SEC63: variants seen among roughly 807,000 people sequenced by gnomAD.
SEC63 encodes the protein SEC63 protein translocation regulator.
SEC63 carries 56 observed loss-of-function variants against 116.2 expected under a neutral mutation model. The ratio of observed to expected loss-of-function variants is 0.48; its 90% confidence interval spans 0.39 to 0.60. The LOEUF (loss-of-function observed/expected upper bound fraction) is 0.60. Ranked by LOEUF, SEC63 falls within the 20% of genes least tolerant of loss-of-function variation. The probability of loss-of-function intolerance (pLI) is 0.00; values close to 1 mark genes in which losing one functional copy is unlikely to be tolerated. For missense variants in SEC63, 668 were observed against 900.0 expected (o/e 0.74, Z 3.30); for synonymous variants, 273 against 294.6 (o/e 0.93, Z 0.75).
chr6:107,887,760 T>A (rs904520473), intron 16 of SEC63, among the ~76,000 whole-genome samples: 19 of 151,068 alleles, frequency 1.3e-4, no homozygotes, highest in African/African-American at 2.7e-4. Flanking sequence ...AAAAAAAAAA[T>A]TTTTTTGTAT....
intron 4 of SEC63, among the ~76,000 whole-genome samples, chr6:107,920,390 C>A (rs1312688379): frequency 3.2e-5 from 4 of 125,202 alleles, no homozygotes; most frequent in African/African-American, 3.1e-5. Context: ...AGCGCCACTG[C>A]AGTCCAGCCT....
chr6:107,895,928 G>A (rs1250466935), intron 14 of SEC63, among the ~76,000 whole-genome samples: 1 of 151,744 alleles, frequency 6.6e-6, no homozygotes, highest in African/African-American at 2.4e-5. Context: ...ACTTTGGGAG[G>A]CTGAGGGGTA....
intron 15 of SEC63, 40 bp from the exon 16 acceptor site, chr6:107,893,695 C>T (rs779241754): frequency 2.5e-6 from 4 of 1,610,802 alleles, no homozygotes; most frequent in Non-Finnish European, 2.5e-6. Context: ...GTTATAGCAA[C>T]AGATTCAATT....
At chr6:107,902,547 T>A (rs1371284115) in intron 12 of SEC63, among the ~76,000 whole-genome samples, 1 of 152,158 alleles carries the variant, frequency 6.6e-6, no homozygotes. Context: ...ATAAAATGAC[T>A]GTAAAGTAGA....
chr6:107,954,923 A>C (rs1315177214), intron 1 of SEC63, among the ~76,000 whole-genome samples: 6 of 152,238 alleles, frequency 3.9e-5, no homozygotes, highest in Non-Finnish European at 8.8e-5. Flanking sequence ...ATTCACCTTA[A>C]TTTTCATAAC....
intron 19 of SEC63, among the ~76,000 whole-genome samples, chr6:107,873,571 A>G (rs1055794650): frequency 2.0e-5 from 3 of 152,168 alleles, no homozygotes; most frequent in Non-Finnish European, 4.4e-5. Context: ...ATCATGAAGG[A>G]ATCTTTTTTT....
intron 16 of SEC63, 77 bp downstream of exon 16, chr6:107,893,404 GC>G: frequency 7.2e-7 from 1 of 1,397,172 alleles, no homozygotes; most frequent in Non-Finnish European, 1.0e-6. Context: ...AACTTTTGAA[GC>G]TGTACACGTA....
At chr6:107,955,242 A>C (rs1583785369) in intron 1 of SEC63, among the ~76,000 whole-genome samples, 1 of 152,112 alleles carries the variant, frequency 6.6e-6, no homozygotes, top group Non-Finnish European at 1.5e-5. Flanking sequence ...GCTCATTGCA[A>C]CCTCCAGCTC....
rs1451290318 is a variant in SEC63, at chr6:107,872,846, C to G, written c.2101G>C (p.Asp701His). The change falls in exon 20 of 21, where the codon GAC (aspartate) becomes CAC (histidine). Residue 701 changes from aspartate (D) to histidine (H), a missense_variant. Physicochemically the swap from Asp to His is moderately conservative, Grantham distance 81. This residue lies in a region of SEC63 where 85 missense variants were observed against 116.3 expected (regional missense o/e 0.73). Transcript: ENST00000369002. ...ATCTGATCCAAACCCATATAGGAGT[C>G]TGATCTCAGAAACACAGTATACTGA... is the stretch of plus-strand genomic sequence containing the variant. The part of the protein sequence containing the change: ...NYQYTVFLRS[D>H]SYMGLDQIKP... 1 of 1,555,570 alleles carries G rather than the reference C, an allele frequency of 6.4e-7. No homozygotes were observed. The highest frequency in any genetic ancestry group is 8.7e-7 in the Non-Finnish European group (1 of 1,147,184).
Position 107,911,533 on chromosome 6 carries a change from C to A in SEC63, c.574-137G>T, listed in dbSNP as rs1787283839. The A allele has an allele frequency of 8.6e-6, 6 of 696,156 alleles. No individual in the cohort carries two copies. In the Admixed American group the frequency reaches 1.4e-4, roughly 16 times the overall value. The allele number at this position is 696,156 out of a possible 1,614,324, so 43.1% of individuals were successfully genotyped here. A position where few individuals can be genotyped will look rare whatever the true frequency, so the allele number is the denominator to read the frequency against. On this transcript the variant is annotated intron_variant, in intron 6 of 20. Coordinates refer to ENST00000369002, the MANE Select transcript of SEC63 (RefSeq NM_007214.5). ...TGTATTATCTTGTTTAATCCTTATT[C>A]TCAAACTCCAAGAGGAAGGTACCAT... is the stretch of plus-strand genomic sequence containing the variant.
intron 12 of SEC63, among the ~76,000 whole-genome samples, chr6:107,902,325 A>G (rs1335593385): frequency 1.3e-5 from 2 of 152,144 alleles, no homozygotes; most frequent in Non-Finnish European, 2.9e-5. Flanking sequence ...ATACAAAATA[A>G]TGTTTAAAAT....
chr6:107,901,633 G>T, intron 12 of SEC63, 116 bp from the exon 13 acceptor site: 1 of 697,690 alleles, frequency 1.4e-6, no homozygotes, highest in Non-Finnish European at 2.4e-6. Context: ...GAAAAGTGTT[G>T]ATTAATGTGC....
chr6:107,900,091 C>T (rs1284266255), intron 13 of SEC63, among the ~76,000 whole-genome samples: 1 of 152,104 alleles, frequency 6.6e-6, no homozygotes, highest in Non-Finnish European at 1.5e-5. Flanking sequence ...TCAATATTTG[C>T]TGTATAAATA....
chr6:107,948,431 T>C (rs1770519021), intron 1 of SEC63, among the ~76,000 whole-genome samples: 1 of 152,208 alleles, frequency 6.6e-6, no homozygotes, highest in African/African-American at 2.4e-5. Flanking sequence ...AGTGCTACCG[T>C]GAGTGCATTC....
At chr6:107,954,482 C>CCA (rs1770666601) in intron 1 of SEC63, 4 of 116,866 alleles carry the variant, frequency 3.4e-5, no homozygotes, top group Admixed American at 1.0e-4. Flanking sequence ...AAAAAAAAAT[C>CCA]AAAAAAAAAA....
chr6:107,950,818 T>C (rs1283621078), intron 1 of SEC63, among the ~76,000 whole-genome samples: 1 of 152,198 alleles, frequency 6.6e-6, no homozygotes, highest in African/African-American at 2.4e-5. Flanking sequence ...TTTTTTTAAA[T>C]GATACATTTT....
At chr6:107,940,615 G>A (rs1047884319) in intron 1 of SEC63, among the ~76,000 whole-genome samples, 8 of 151,846 alleles carry the variant, frequency 5.3e-5, no homozygotes, top group African/African-American at 1.5e-4. Flanking sequence ...TTTAAAGTGC[G>A]CGCACACATA....
chr6:107,932,016 T>C (rs1787823416), intron 1 of SEC63: 1 of 155,138 alleles, frequency 6.4e-6, no homozygotes, highest in South Asian at 2.0e-4. Flanking sequence ...TTTATCATTA[T>C]GCCATTATCA....
At chr6:107,932,859 TC>T (rs2114493034) in intron 1 of SEC63, among the ~76,000 whole-genome samples, 1 of 152,102 alleles carries the variant, frequency 6.6e-6, no homozygotes, top group Admixed American at 6.6e-5. Flanking sequence ...CCAAGTATCC[TC>T]CCACAAAATA....
Sources: allele counts gnomAD v4.1 joint callset (sites outside exome capture counted in the v4.1 genomes callset), GRCh38; gene constraint gnomAD v4.1.1; regional missense constraint gnomAD v4.1.1; transcripts MANE v1.5; gene names NCBI Gene and HGNC (gene_info 2026-07-23, HGNC 2026-07-21).